Variants in FSHR observed in about 807,000 individuals in gnomAD.
FSHR encodes the protein follicle-stimulating hormone receptor.
A neutral mutation model predicts 52.1 loss-of-function variants in FSHR; 46 were observed. The observed-to-expected ratio is 0.88, with a 90% CI of 0.70 to 1.13. The LOEUF is 1.13. Among genes scored for constraint, FSHR ranks in the 50% most tolerant of loss-of-function variants. The probability of loss-of-function intolerance (pLI) is 0.00; values close to 1 mark genes in which losing one functional copy is unlikely to be tolerated. For synonymous variants in FSHR, 399 were observed against 309.6 expected (o/e 1.29, Z -3.03); for missense variants, 964 against 834.6 (o/e 1.16, Z -1.91).
At chr2:49,016,754 G>A (rs1265213599) in intron 4 of FSHR, among the ~76,000 whole-genome samples, 1 of 151,902 alleles carries the variant, frequency 6.6e-6, no homozygotes, top group African/African-American at 2.4e-5. Flanking sequence ...TGATTATGAT[G>A]CTAATAGATA....
chr2:49,145,592 A>G (rs887920491), intron 1 of FSHR, among the ~76,000 whole-genome samples: 2 of 152,068 alleles, frequency 1.3e-5, no homozygotes, highest in South Asian at 4.1e-4. Flanking sequence ...ACAAAGCAAC[A>G]TGCAATTAGT....
chr2:49,077,475 G>T (rs1478541720), intron 1 of FSHR, among the ~76,000 whole-genome samples: 8 of 152,172 alleles, frequency 5.3e-5, no homozygotes, highest in Non-Finnish European at 7.4e-5. Context: ...TGTGATGAGA[G>T]CAGCTGCTGT....
intron 4 of FSHR, among the ~76,000 whole-genome samples, chr2:48,996,326 C>T (rs1344732976): frequency 1.3e-5 from 2 of 152,022 alleles, no homozygotes; most frequent in East Asian, 1.9e-4. Flanking sequence ...TCTCATTATC[C>T]ACAGCAGTAT....
At chr2:48,981,378 A>C (rs895977682) in intron 8 of FSHR, among the ~76,000 whole-genome samples, 1 of 152,176 alleles carries the variant, frequency 6.6e-6, no homozygotes, top group Non-Finnish European at 1.5e-5. Context: ...CTGATGAGTG[A>C]AAAAATATTT....
Position 48,962,385 on chromosome 2 carries a change from TC to T in FSHR, c.*347del. ...TCACTTAACTCTTTGAGTCGTGGTT[TC>T]CTCATTTGTAAAACTCCAAGAATAA... On this transcript the variant is annotated 3_prime_UTR_variant, in exon 10 of 10. Coordinates refer to ENST00000406846, the MANE Select transcript of FSHR (RefSeq NM_000145.4). 1 of 274,260 alleles carries T rather than the reference TC, an allele frequency of 3.6e-6. No individual in the cohort carries two copies. Among genetic ancestry groups the T allele is most frequent in the South Asian group, 4.2e-5 (1 of 23,882 alleles). The allele number at this position is 274,260 out of a possible 1,614,324, so 17.0% of individuals were successfully genotyped here.
At chr2:49,069,799 T>G (rs1180726969) in intron 1 of FSHR, among the ~76,000 whole-genome samples, 3 of 152,156 alleles carry the variant, frequency 2.0e-5, no homozygotes, top group Non-Finnish European at 2.9e-5. Context: ...TGTAACTGAT[T>G]AATAGGGATT....
At chr2:48,967,279 T>A (rs926652678) in intron 9 of FSHR, among the ~76,000 whole-genome samples, 10 of 152,026 alleles carry the variant, frequency 6.6e-5, no homozygotes, top group African/African-American at 2.2e-4. Flanking sequence ...TCATTTTTTT[T>A]GTAGAGACGA....
chr2:49,131,251 A>C (rs1362888251), intron 1 of FSHR, among the ~76,000 whole-genome samples: 2 of 152,198 alleles, frequency 1.3e-5, no homozygotes, highest in Non-Finnish European at 2.9e-5. Context: ...ACCAACAAAC[A>C]AGATGATAAA....
intron 4 of FSHR, chr2:49,014,693 T>G: frequency 8.0e-6 from 2 of 251,018 alleles, no homozygotes; most frequent in Non-Finnish European, 1.6e-5. Flanking sequence ...CATTTCTCAT[T>G]TACCTGTTTC....
chr2:48,965,609 C>A (rs1674439649), intron 9 of FSHR, among the ~76,000 whole-genome samples: 1 of 152,130 alleles, frequency 6.6e-6, no homozygotes, highest in Non-Finnish European at 1.5e-5. Flanking sequence ...AGTAAGTAAC[C>A]TGGTACTTGC....
chr2:49,002,316 C>T (rs534598194), intron 4 of FSHR, among the ~76,000 whole-genome samples: 2 of 152,108 alleles, frequency 1.3e-5, no homozygotes, highest in Admixed American at 6.6e-5. Context: ...CCCTTCCTTC[C>T]TCTTCTCTCT....
intron 2 of FSHR, among the ~76,000 whole-genome samples, chr2:49,025,531 ATATAAT>A (rs1351185715): frequency 2.6e-5 from 4 of 152,188 alleles, no homozygotes; most frequent in East Asian, 1.9e-4. Flanking sequence ...TATGCATATA[ATATAAT>A]TATAATATGT....
intron 2 of FSHR, among the ~76,000 whole-genome samples, chr2:49,048,573 C>T (rs931229263): frequency 5.9e-5 from 9 of 152,214 alleles, no homozygotes; most frequent in African/African-American, 1.9e-4. Flanking sequence ...AGCATGCTCA[C>T]GTCCAAGTGC....
At chr2:49,023,677 G>A (rs1408697438) in intron 2 of FSHR, among the ~76,000 whole-genome samples, 1 of 152,134 alleles carries the variant, frequency 6.6e-6, no homozygotes, top group African/African-American at 2.4e-5. Flanking sequence ...TATCAGTTGA[G>A]GTCCTTGAAT....
At position 49,084,515 on chromosome 2, in the gene FSHR, T is replaced by TA. The variant is rs533762223; in HGVS notation, c.153-16226dup. 4.8e-3 allele frequency among the ~76,000 whole-genome samples: 726 copies of TA among 151,826 alleles called. 6 individuals are homozygous for TA. The highest frequency in any genetic ancestry group is 0.011 in the South Asian group (51 of 4,794). On this transcript the variant is annotated intron_variant, in intron 1 of 9. Transcript: ENST00000406846. ...AAAATCAGAGCAGAACTGAAGGAAA[T>TA]AGAGACAAAAAAACCTTTCAAAAAA...
In FSHR at chr2:49,092,987, G is replaced by C. The variant is rs74263494; in HGVS notation, c.153-24697C>G. Among the ~76,000 whole-genome samples the C allele has an allele frequency of 1.5e-3, 222 of 152,258 alleles. 7 individuals are homozygous for C. The East Asian group carries it at 0.037, about 25-fold the overall frequency. ...AGCTTTGGTTTTGAATTTCAACACA[G>C]TCTTGCATTCTTGGAATAAACCCCA... On this transcript the variant is annotated intron_variant, in intron 1 of 9. Coordinates refer to ENST00000406846, the MANE Select transcript of FSHR (RefSeq NM_000145.4).
chr2:49,041,237 A>G (rs1212119301), intron 2 of FSHR, among the ~76,000 whole-genome samples: 1 of 152,102 alleles, frequency 6.6e-6, no homozygotes, highest in Admixed American at 6.5e-5. Context: ...CACCGTGAAT[A>G]TGTATTTGAG....
chr2:49,061,645 A>G (rs1015941036), intron 2 of FSHR, among the ~76,000 whole-genome samples: 26 of 143,638 alleles, frequency 1.8e-4, no homozygotes, highest in African/African-American at 6.6e-4. Context: ...TATAATATAT[A>G]TAACTATATA....
chr2:49,013,205 C>A lies in FSHR; in HGVS notation c.374+4284G>T, dbSNP rs1465434807. Among the ~76,000 whole-genome samples the A allele has an allele frequency of 8.6e-5, 13 of 151,178 alleles. No homozygotes were observed. In the East Asian group the frequency reaches 2.5e-3, roughly 30 times the overall value. Reference sequence around the variant, plus strand: ...AAGGCAGCTGTCTGCAAGCCAGGAACCAAATTGGCCAGTACCTCTTGGACT... The same window carrying A: ...AAGGCAGCTGTCTGCAAGCCAGGAAACAAATTGGCCAGTACCTCTTGGACT... On this transcript the variant is annotated intron_variant, in intron 4 of 9. Coordinates refer to ENST00000406846, the MANE Select transcript of FSHR (RefSeq NM_000145.4).
Sources: allele counts gnomAD v4.1 joint callset (sites outside exome capture counted in the v4.1 genomes callset), GRCh38; gene constraint gnomAD v4.1.1; transcripts MANE v1.5; gene names NCBI Gene and HGNC (gene_info 2026-07-23, HGNC 2026-07-21).